Variants in UTP11 observed in about 807,000 individuals in gnomAD.
UTP11 encodes UTP11 small subunit processome component, also known as probable U3 small nucleolar RNA-associated protein 11.
Under a neutral mutation model 39.0 loss-of-function variants are expected in UTP11, and 29 were observed. The ratio of observed to expected loss-of-function variants is 0.74; its 90% CI spans 0.55 to 1.01. UTP11 has a LOEUF of 1.01. Among genes scored for constraint, UTP11 ranks in the 50% least tolerant of loss-of-function variants. The pLI, the probability that UTP11 is intolerant of heterozygous loss-of-function variation, is 0.00. For missense variants in UTP11, 281 were observed against 306.0 expected (o/e 0.92, Z 0.61); for synonymous variants, 111 against 105.0 (o/e 1.06, Z -0.35).
chr1:38,023,776 C>G lies in UTP11; in HGVS notation c.*148C>G. 1 of 561,798 alleles carries G rather than the reference C, an allele frequency of 1.8e-6. No homozygotes were observed. Among genetic ancestry groups the G allele is most frequent in the Non-Finnish European group, 3.0e-6 (1 of 333,398 alleles). 34.8% of individuals were successfully genotyped at this position (561,798 alleles called of 1,614,324 possible). On this transcript the variant is annotated 3_prime_UTR_variant, in exon 8 of 8. Coordinates refer to ENST00000373014, the MANE Select transcript of UTP11 (RefSeq NM_016037.4). ...CTGACATTTAATGTCTTTCTATGGA[C>G]AACATTAAATCTCCCTCCCTTCTGT...
chr1:38,017,142 A>G (rs1225358383), intron 2 of UTP11: 1 of 152,504 alleles, frequency 6.6e-6, no homozygotes, highest in Non-Finnish European at 1.5e-5. Context: ...ATGGGTTACT[A>G]TTACCGTATT....
chr1:38,015,319 C>G lies in UTP11; in HGVS notation c.64-1040C>G, dbSNP rs115729132. ...TTACAGCATGAGCCACTGCACCCGG[C>G]CTATTATACAAGTTTAAACACTGGA... On this transcript the variant is annotated intron_variant, in intron 1 of 7. Transcript: ENST00000373014. Among the ~76,000 whole-genome samples the G allele has an allele frequency of 5.5e-3, 845 of 152,272 alleles. 8 individuals carry two copies. Among genetic ancestry groups the G allele is most frequent in the African/African-American group, 0.02 (816 of 41,524 alleles).
rs778292832 is a variant in UTP11, at chr1:38,023,617, C to G, written c.751C>G (p.Arg251Gly). ...SPAIYKFQSR[R>G]KR is the part of the protein sequence containing the mutation. ...AGCTATTTATAAATTTCAGAGTCGT[C>G]GAAAACGTTGACGTGTTATAGATAA... is the stretch of plus-strand genomic sequence containing the variant. Residue 251 changes from arginine (R) to glycine (G), a missense_variant, in exon 8 of 8, where the codon CGA becomes GGA. By Grantham distance (125) the Arg-to-Gly change is moderately radical (BLOSUM62 -2). Coordinates refer to ENST00000373014, the MANE Select transcript of UTP11 (RefSeq NM_016037.4). 1.2e-6 allele frequency: 2 copies of G among 1,609,312 alleles called. No homozygotes were observed. The highest frequency in any genetic ancestry group is 8.5e-7 in the Non-Finnish European group (1 of 1,178,126).
intron 6 of UTP11, 47 bp downstream of exon 6, chr1:38,019,430 G>GT (rs1646724681): frequency 2.2e-6 from 3 of 1,389,206 alleles, no homozygotes; most frequent in African/African-American, 1.5e-5. Context: ...GGGAATCTAG[G>GT]TGTTTTTTTT....
intron 6 of UTP11, among the ~76,000 whole-genome samples, chr1:38,020,606 A>G (rs1242700219): frequency 2.6e-5 from 4 of 152,204 alleles, no homozygotes; most frequent in African/African-American, 9.7e-5. Context: ...GATTTGAATC[A>G]TTTACACTGC....
intron 7 of UTP11, 97 bp downstream of exon 7, chr1:38,022,906 C>A: frequency 1.2e-6 from 1 of 835,934 alleles, no homozygotes; most frequent in Non-Finnish European, 1.9e-6. Flanking sequence ...GTGTGTAAAT[C>A]AACCCCAGTG....
At position 38,019,042 on chromosome 1, in the gene UTP11, CA is replaced by C; in HGVS notation, c.343-16del. 4 of 1,598,384 alleles carry C rather than the reference CA, an allele frequency of 2.5e-6. No individual in the cohort carries two copies. The highest frequency in any genetic ancestry group is 3.4e-6 in the Non-Finnish European group (4 of 1,169,372). ...AGAAGAATCTAATATAAAGTGAGAC[CA>C]TATTCTGTGTTCTAGAAAATCGAAA... On this transcript the variant is annotated splice_polypyrimidine_tract_variant and intron_variant, in intron 4 of 7. Coordinates refer to ENST00000373014, the MANE Select transcript of UTP11 (RefSeq NM_016037.4).
At position 38,024,144 on chromosome 1, in the gene UTP11, T is replaced by C. The variant is rs1237176191; in HGVS notation, c.*516T>C. 6.6e-6 allele frequency: 1 copy of C among 152,034 alleles called. No homozygotes were observed. The highest frequency in any genetic ancestry group is 1.5e-5 in the Non-Finnish European group (1 of 68,012). 9.4% of individuals were successfully genotyped at this position (152,034 alleles called of 1,614,324 possible). A position where few individuals can be genotyped will look rare whatever the true frequency, so the allele number is the denominator to read the frequency against. On this transcript the variant is annotated 3_prime_UTR_variant, in exon 8 of 8. Coordinates refer to ENST00000373014, the MANE Select transcript of UTP11 (RefSeq NM_016037.4). Reference sequence around the variant, plus strand: ...TGAGCCACTATGCCCAGCCCATAATTTTTTTTGTTATGAAACATAGGATCT... The same window carrying C: ...TGAGCCACTATGCCCAGCCCATAATCTTTTTTGTTATGAAACATAGGATCT...
chr1:38,012,739 A>C lies in UTP11; in HGVS notation c.-64A>C. The C allele has an allele frequency of 1.2e-6, 2 of 1,607,588 alleles. No individual in the cohort carries two copies. Among genetic ancestry groups the C allele is most frequent in the South Asian group, 1.1e-5 (1 of 90,966 alleles). The stretch of plus-strand genomic sequence containing the variant: ...GCCTATTTCCGGTAGGAATCAGTGG[A>C]CTTGGCGGCAGAGGCAGTGCGGATC... On this transcript the variant is annotated 5_prime_UTR_variant, in exon 1 of 8. Coordinates refer to ENST00000373014, the MANE Select transcript of UTP11 (RefSeq NM_016037.4).
intron 1 of UTP11, 68 bp from the exon 2 acceptor site, chr1:38,016,291 G>A (rs1570499042): frequency 6.7e-7 from 1 of 1,501,006 alleles, no homozygotes; most frequent in East Asian, 2.3e-5. Context: ...CCTGTTAGAT[G>A]TCGTGTTGAT....
intron 6 of UTP11, among the ~76,000 whole-genome samples, chr1:38,020,991 G>C (rs1032645890): frequency 6.6e-6 from 1 of 151,380 alleles, no homozygotes; most frequent in African/African-American, 2.4e-5. Flanking sequence ...GCGTGATATC[G>C]GCTCACTGCA....
In UTP11 at chr1:38,023,949, TGCATCA is replaced by T. The variant is rs1646751732; in HGVS notation, c.*324_*329del. 5.6e-6 allele frequency: 1 copy of T among 178,328 alleles called. No homozygotes were observed. The highest frequency in any genetic ancestry group is 2.4e-5 in the African/African-American group (1 of 42,224). The allele number at this position is 178,328 out of a possible 1,614,324, so 11.0% of individuals were successfully genotyped here. A position where few individuals can be genotyped will look rare whatever the true frequency, so the allele number is the denominator to read the frequency against. On this transcript the variant is annotated 3_prime_UTR_variant, in exon 8 of 8. Coordinates refer to ENST00000373014, the MANE Select transcript of UTP11 (RefSeq NM_016037.4). Reference sequence around the variant, plus strand: ...AACTCCTGGGCTCAAGTGATCTTCCTGCATCAGCCTCTTGAGTAGCTGGGACCACAG... The same window carrying T: ...AACTCCTGGGCTCAAGTGATCTTCCTGCCTCTTGAGTAGCTGGGACCACAG...
At position 38,016,748 on chromosome 1, in the gene UTP11, A is replaced by G. The variant is rs41268249; in HGVS notation, c.125+328A>G. ...TTTTCTCTTTGTTTTCTTGAAGTGCAGGATATAATCTGAAATTCCATTTGT... is the reference window on the plus strand; with the variant it reads ...TTTTCTCTTTGTTTTCTTGAAGTGCGGGATATAATCTGAAATTCCATTTGT... On this transcript the variant is annotated intron_variant, in intron 2 of 7. Coordinates refer to ENST00000373014, the MANE Select transcript of UTP11 (RefSeq NM_016037.4). 2,818 of 299,840 alleles carry G rather than the reference A, an allele frequency of 9.4e-3. 26 individuals carry two copies. Among genetic ancestry groups the G allele is most frequent in the Non-Finnish European group, 0.014 (2,127 of 154,374 alleles). The allele number at this position is 299,840 out of a possible 1,614,324, so 18.6% of individuals were successfully genotyped here.
rs749031948 is a variant in UTP11 at position 38,022,721 on chromosome 1, A to C, written c.590A>C (p.Lys197Thr). 2 of 1,613,912 alleles carry C rather than the reference A, an allele frequency of 1.2e-6. 1 individual carries two copies. The highest frequency in any genetic ancestry group is 3.3e-5 in the Admixed American group (2 of 60,018). Reference sequence around the variant, plus strand: ...CAGCGAATAGCTAAAGAAAGGCAAAAGCAGTATAACTGCCTGACACAGCGG... The same window carrying C: ...CAGCGAATAGCTAAAGAAAGGCAAACGCAGTATAACTGCCTGACACAGCGG... ...GLKRIAKERQKQYNCLTQRIE... is the reference protein window; with the variant it reads ...GLKRIAKERQTQYNCLTQRIE... Residue 197 changes from lysine to threonine, a missense_variant, in exon 7 of 8, where the codon AAG (lysine) becomes ACG (threonine). Transcript: ENST00000373014.
At chr1:38,022,602 G>A (rs1646744541) in intron 6 of UTP11, 97 bp from the exon 7 acceptor site, 5 of 767,798 alleles carry the variant, frequency 6.5e-6, no homozygotes, top group Non-Finnish European at 1.1e-5. Context: ...GGGAGTTGAT[G>A]AAACTATGCA....
intron 4 of UTP11, 90 bp downstream of exon 4, chr1:38,018,667 C>A: frequency 2.1e-6 from 2 of 972,912 alleles, no homozygotes; most frequent in Non-Finnish European, 3.1e-6. Flanking sequence ...TTTCTTCTGG[C>A]ATTTACAATC....
chr1:38,019,481 A>C, intron 6 of UTP11, 98 bp downstream of exon 6: 1 of 1,087,556 alleles, frequency 9.2e-7, no homozygotes, highest in Non-Finnish European at 1.2e-6. Flanking sequence ...AATAATTTTT[A>C]AAATTTATTT....
chr1:38,023,487 T>C, intron 7 of UTP11, 58 bp from the exon 8 acceptor site: 1 of 1,523,736 alleles, frequency 6.6e-7, no homozygotes, highest in Non-Finnish European at 9.0e-7. Flanking sequence ...TTATTAACCT[T>C]TCGATTTTAC....
rs748238255 is a variant in UTP11, at chr1:38,023,598, T to A, written c.732T>A (p.Ile244=). 1.2e-6 allele frequency: 2 copies of A among 1,611,234 alleles called. No homozygotes were observed. Among genetic ancestry groups the A allele is most frequent in the South Asian group, 2.2e-5 (2 of 90,316 alleles). ...VKKETVNSPA[I]YKFQSRRKR The stretch of plus-strand genomic sequence containing the variant: ...AAGAAACGGTGAACTCCCCAGCTAT[T>A]TATAAATTTCAGAGTCGTCGAAAAC... Residue 244 remains isoleucine (I), a synonymous_variant, in exon 8 of 8, where the codon ATT becomes ATA. Transcript: ENST00000373014.
Sources: gnomAD v4.1 joint callset for allele counts (sites outside exome capture counted in the v4.1 genomes callset) on GRCh38, gnomAD v4.1.1 for gene constraint, MANE v1.5 for transcripts, NCBI Gene and HGNC (gene_info 2026-07-23, HGNC 2026-07-21) for gene names.